Variants in SPATA45 observed in about 807,000 individuals in gnomAD.
The protein encoded by SPATA45 is spermatogenesis associated 45, also known as spermatogenesis-associated protein 45.
In SPATA45, 5 loss-of-function variants were observed where a neutral mutation model predicts 7.0. The ratio of observed to expected loss-of-function variants is 0.71; its 90% CI spans 0.37 to 1.50. The LOEUF (loss-of-function observed/expected upper bound fraction) is 1.50, where lower values mean the gene tolerates loss of function less well. Among genes scored for constraint, SPATA45 ranks in the 40% most tolerant of loss-of-function variants. The probability of loss-of-function intolerance (pLI) is 0.03; values close to 1 mark genes in which losing one functional copy is unlikely to be tolerated. For synonymous variants in SPATA45, 40 were observed against 38.7 expected, an observed-to-expected ratio of 1.03 and a Z score of -0.13; for missense variants, 111 against 114.9, an observed-to-expected ratio of 0.97 and a Z score of 0.16.
intron 1 of SPATA45, among the ~76,000 whole-genome samples, chr1:212,839,339 A>C (rs1663639834): frequency 1.3e-5 from 2 of 150,866 alleles, no homozygotes; most frequent in Non-Finnish European, 3.0e-5. Flanking sequence ...ATATTAGGCT[A>C]GGTATGGTGG....
At chr1:212,833,503 C>CAAAAAAAAA (rs35760900) in intron 2 of SPATA45, among the ~76,000 whole-genome samples, 55 of 108,220 alleles carry the variant, frequency 5.1e-4, no homozygotes, top group East Asian at 1.0e-3. Context: ...TACTAAAATA[C>CAAAAAAAAA]AAAAAAAAAA....
intron 2 of SPATA45, among the ~76,000 whole-genome samples, chr1:212,832,224 G>A (rs992155085): frequency 6.7e-6 from 1 of 150,306 alleles, no homozygotes; most frequent in Admixed American, 6.7e-5. Flanking sequence ...GGCTGGTCTC[G>A]AACTCCTGAC....
intron 1 of SPATA45, among the ~76,000 whole-genome samples, chr1:212,842,484 A>T (rs934808593): frequency 2.6e-5 from 4 of 152,226 alleles, no homozygotes; most frequent in Non-Finnish European, 4.4e-5. Context: ...CAAAATTCAA[A>T]CTCTTATTAC....
At chr1:212,840,144 T>C (rs1485068753) in intron 1 of SPATA45, among the ~76,000 whole-genome samples, 2 of 151,664 alleles carry the variant, frequency 1.3e-5, no homozygotes, top group East Asian at 3.9e-4. Flanking sequence ...CCAGGCGCAG[T>C]GGCTCATGCC....
At chr1:212,835,552 G>T (rs1402551781) in intron 2 of SPATA45, among the ~76,000 whole-genome samples, 1 of 148,486 alleles carries the variant, frequency 6.7e-6, no homozygotes, top group Non-Finnish European at 1.5e-5. Context: ...CCTATCATAG[G>T]CTGGGTGTGG....
chr1:212,842,181 C>T (rs934833123), intron 1 of SPATA45, among the ~76,000 whole-genome samples: 5 of 151,430 alleles, frequency 3.3e-5, no homozygotes, highest in Admixed American at 6.6e-5. Context: ...GGTTCGAGAC[C>T]AGCCTGGCCA....
chr1:212,832,015 CTTTTTT>C (rs10645815), intron 2 of SPATA45, among the ~76,000 whole-genome samples: 2 of 93,558 alleles, frequency 2.1e-5, no homozygotes, highest in Non-Finnish European at 4.0e-5. Flanking sequence ...CATTTACTTC[CTTTTTT>C]TTTTTTTTTT....
Position 212,837,834 on chromosome 1 carries a change from A to G in SPATA45, c.-38-1647T>C, listed in dbSNP as rs1226493221. Among the ~76,000 whole-genome samples, 3 of 151,804 alleles carry G rather than the reference A, an allele frequency of 2.0e-5. 1 individual carries two copies. The highest frequency in any genetic ancestry group is 2.0e-4 in the Admixed American group (3 of 15,202). Reference sequence around the variant, plus strand: ...AATATTCAGCACTGATAAATGATACAGTCCACAGTCTCAAGAAGCTCAAAC... The same window carrying G: ...AATATTCAGCACTGATAAATGATACGGTCCACAGTCTCAAGAAGCTCAAAC... On this transcript the variant is annotated intron_variant, in intron 1 of 2. Coordinates refer to ENST00000332912, the MANE Select transcript of SPATA45 (RefSeq NM_001024601.3).
intron 1 of SPATA45, among the ~76,000 whole-genome samples, chr1:212,843,100 T>TACACATACACAC (rs1553260401): frequency 8.2e-6 from 1 of 121,930 alleles, no homozygotes; most frequent in Non-Finnish European, 1.7e-5. Context: ...CCGTCAAACA[T>TACACATACACAC]ACACACACAC....
chr1:212,835,072 G>T (rs1437117877), intron 2 of SPATA45, among the ~76,000 whole-genome samples: 1 of 151,548 alleles, frequency 6.6e-6, no homozygotes, highest in Non-Finnish European at 1.5e-5. Context: ...GTCTATAATA[G>T]ATCTTACAAT....
At chr1:212,838,305 A>C (rs1400672919) in intron 1 of SPATA45, among the ~76,000 whole-genome samples, 2 of 139,214 alleles carry the variant, frequency 1.4e-5, no homozygotes, top group South Asian at 2.3e-4. Context: ...CTTTGTCTAA[A>C]AAAAAAAAAA....
intron 2 of SPATA45, among the ~76,000 whole-genome samples, chr1:212,831,473 T>TAAA (rs200413225): frequency 1.6e-5 from 2 of 121,446 alleles, no homozygotes. Flanking sequence ...ACTCTGCCTC[T>TAAA]AAAAAAAAAA....
chr1:212,841,981 G>A (rs61832056), intron 1 of SPATA45, among the ~76,000 whole-genome samples: 66,545 of 151,246 alleles, frequency 0.44, 15,615 homozygotes, highest in East Asian at 0.53. Context: ...GGCTGGTCTT[G>A]AACTCCTGAC....
intron 1 of SPATA45, among the ~76,000 whole-genome samples, chr1:212,842,581 G>T (rs553808002): frequency 5.9e-5 from 9 of 152,274 alleles, no homozygotes; most frequent in African/African-American, 2.2e-4. Context: ...AAGTAAAAAA[G>T]ATTTGATTAA....
At chr1:212,832,484 C>T (rs1043168227) in intron 2 of SPATA45, among the ~76,000 whole-genome samples, 1 of 147,562 alleles carries the variant, frequency 6.8e-6, no homozygotes, top group South Asian at 2.2e-4. Context: ...GCTAGGATTA[C>T]AGGCATGAGC....
chr1:212,842,409 C>T (rs1026894083), intron 1 of SPATA45, among the ~76,000 whole-genome samples: 5 of 151,836 alleles, frequency 3.3e-5, no homozygotes, highest in Admixed American at 2.0e-4. Flanking sequence ...AAATAAAAGC[C>T]CATTTTATAG....
Position 212,835,943 on chromosome 1 carries a change from G to A in SPATA45, c.207C>T (p.Asn69=). The A allele has an allele frequency of 6.2e-7, 1 of 1,610,546 alleles. No homozygotes were observed. The highest frequency in any genetic ancestry group is 1.7e-5 in the Admixed American group (1 of 59,910). ...TDTTTKEPVP[N]SGRSSWIKLS... is the part of the protein sequence containing the mutation. The stretch of plus-strand genomic sequence containing the variant: ...GCTTGATCCAGGAGCTCCTGCCACT[G>A]TTGGGAACAGGCTCTTTGGTTGTGG... The change falls in exon 2 of 3, where the codon AAC becomes AAT. Residue 69 remains asparagine, a synonymous_variant. Transcript: ENST00000332912.
At chr1:212,842,027 C>T (rs1013342781) in intron 1 of SPATA45, among the ~76,000 whole-genome samples, 7 of 151,618 alleles carry the variant, frequency 4.6e-5, no homozygotes, top group Non-Finnish European at 7.4e-5. Flanking sequence ...TCCCAAATTG[C>T]TGGGATTACA....
intron 2 of SPATA45, 49 bp downstream of exon 2, chr1:212,835,823 CA>C: frequency 6.8e-7 from 1 of 1,481,022 alleles, no homozygotes; most frequent in Non-Finnish European, 9.1e-7. Context: ...GCGACAAGAG[CA>C]AAACTCCATC....
Sources: allele counts gnomAD v4.1 joint callset (sites outside exome capture counted in the v4.1 genomes callset), GRCh38; gene constraint gnomAD v4.1.1; transcripts MANE v1.5; gene names NCBI Gene and HGNC (gene_info 2026-07-23, HGNC 2026-07-21).